CUBN: variants seen among roughly 807,000 people sequenced by gnomAD.
The protein encoded by CUBN is 460 kDa receptor.
CUBN carries 282 observed loss-of-function variants against 405.3 expected under a neutral mutation model. That is an observed-to-expected ratio of 0.70 (90% CI 0.63 to 0.77). CUBN has a LOEUF of 0.77. CUBN is among the 30% of genes least tolerant of loss of function. The pLI, the probability that CUBN is intolerant of heterozygous loss-of-function variation, is 0.00. For missense variants in CUBN, 4,514 were observed against 4,475.2 expected, an observed-to-expected ratio of 1.01 and a Z score of -0.25; for synonymous variants, 1,684 against 1,617.0, an observed-to-expected ratio of 1.04 and a Z score of -0.99.
chr10:17,115,262 A>G (rs1836865869), intron 7 of CUBN, among the ~76,000 whole-genome samples: 1 of 135,238 alleles, frequency 7.4e-6, no homozygotes, highest in Non-Finnish European at 1.7e-5. Context: ...AAAAAAAAAA[A>G]AATCCTATTT....
intron 12 of CUBN, among the ~76,000 whole-genome samples, chr10:17,103,601 G>A (rs962792323): frequency 1.3e-5 from 2 of 152,206 alleles, no homozygotes; most frequent in South Asian, 2.1e-4. Context: ...CAGCTGCAAG[G>A]TGAGCAGTTC....
chr10:16,870,779 T>C (rs1311940495), intron 58 of CUBN, among the ~76,000 whole-genome samples: 2 of 152,044 alleles, frequency 1.3e-5, no homozygotes, highest in Admixed American at 1.3e-4. Flanking sequence ...TGAGGTGGAG[T>C]TGTTTGTTAC....
Position 17,129,662 on chromosome 10 carries a change from CT to C in CUBN, c.103del (p.Arg35GlufsTer39). On this transcript the variant is annotated frameshift_variant, in exon 1 of 67. Transcript: ENST00000377833. LOFTEE classifies it high-confidence loss of function. ...AGELELQRQK[R>X]SINLQQPRMA... ...TACTTACTGTTGGAGATTGATGCTTCTTTTTTGTCTCTGCAGCTCAAGTTCT... is the reference window on the plus strand; with the variant it reads ...TACTTACTGTTGGAGATTGATGCTTCTTTTTGTCTCTGCAGCTCAAGTTCT... 3 of 1,614,122 alleles carry C rather than the reference CT, an allele frequency of 1.9e-6. No homozygotes were observed. Among genetic ancestry groups the C allele is most frequent in the Non-Finnish European group, 2.5e-6 (3 of 1,179,980 alleles).
At chr10:17,123,871 C>T (rs564136347) in intron 4 of CUBN, among the ~76,000 whole-genome samples, 182 bp from the exon 5 acceptor site, 1 of 152,150 alleles carries the variant, frequency 6.6e-6, no homozygotes, top group South Asian at 2.1e-4. Context: ...AAAGCATTTT[C>T]TATTATCAAT....
In CUBN at chr10:16,836,331, G is replaced by C. The variant is rs753571989; in HGVS notation, c.10084C>G (p.Pro3362Ala). ...GTACTCATAGAAGAATAAAACACTG[G>C]CACAGCCGAAGCATTTCTGCCACAG... ...QFCGRNASAV[P>A]VFYSSMSTAM... Residue 3362 changes from proline (P) to alanine (A), a missense_variant, in exon 63 of 67, where the codon CCA becomes GCA. Pro to Ala is a conservative substitution (Grantham distance 27). This residue lies in a region of CUBN where 1,186 missense variants were observed against 1,186.9 expected (regional missense o/e 1.00). Coordinates refer to ENST00000377833, the MANE Select transcript of CUBN (RefSeq NM_001081.4). 2 of 1,613,622 alleles carry C rather than the reference G, an allele frequency of 1.2e-6. No homozygotes were observed. Among genetic ancestry groups the C allele is most frequent in the Non-Finnish European group, 1.7e-6 (2 of 1,179,664 alleles).
In CUBN at chr10:16,831,335, T is replaced by A; in HGVS notation, c.10445A>T (p.Asn3482Ile). The A allele has an allele frequency of 6.2e-7, 1 of 1,614,050 alleles. No individual in the cohort carries two copies. The highest frequency in any genetic ancestry group is 8.5e-7 in the Non-Finnish European group (1 of 1,179,884). ...TLLPNPVFSQ[N>I]NELYLRFKSD... ...CTTAAATCGTAGGTATAGTTCATTA[T>A]TTTGAGAGAAGACAGGGTTTGGCAG... Residue 3482 changes from asparagine (N) to isoleucine (I), a missense_variant, in exon 65 of 67, where the codon AAT becomes ATT. Physicochemically the swap from Asn to Ile is moderately radical, Grantham distance 149. Around this residue, in one of 5 missense-constraint regions of CUBN, gnomAD observed 1,186 missense variants for 1,186.9 expected, o/e 1.00. Transcript: ENST00000377833.
chr10:16,861,601 A>T (rs1416573567), intron 59 of CUBN, among the ~76,000 whole-genome samples: 1 of 137,894 alleles, frequency 7.3e-6, no homozygotes, highest in Middle Eastern at 3.3e-3. Context: ...TTTTACAGAT[A>T]AAAAAAAAAA....
Position 17,115,506 on chromosome 10 carries a change from T to C in CUBN, c.685A>G (p.Ile229Val), listed in dbSNP as rs1241724136. 1.9e-6 allele frequency: 3 copies of C among 1,613,924 alleles called. No individual in the cohort carries two copies. In the Admixed American group the frequency reaches 5.0e-5, roughly 27 times the overall value. Reference sequence around the variant, plus strand: ...TGCTCTCGCATTAAATCCTCACAGATGCCATGGACACAGCGTGCCACAGAA... The same window carrying C: ...TGCTCTCGCATTAAATCCTCACAGACGCCATGGACACAGCGTGCCACAGAA... ...GGSVARCVHG[I>V]CEDLMREQAG... Residue 229 changes from isoleucine (I) to valine (V), a missense_variant, in exon 7 of 67, where the codon ATC becomes GTC. Ile to Val is a conservative substitution (Grantham distance 29). Around this residue, in one of 5 missense-constraint regions of CUBN, gnomAD observed 1,448 missense variants for 1,388.0 expected, o/e 1.04. Transcript: ENST00000377833.
At chr10:17,052,068 C>G (rs1835283299) in intron 22 of CUBN, among the ~76,000 whole-genome samples, 1 of 152,114 alleles carries the variant, frequency 6.6e-6, no homozygotes, top group African/African-American at 2.4e-5. Context: ...AGCCACATCA[C>G]ATACAGGGAC....
At chr10:16,918,932 G>T in intron 44 of CUBN, 132 bp from the exon 45 acceptor site, 2 of 856,672 alleles carry the variant, frequency 2.3e-6, no homozygotes, top group Non-Finnish European at 3.8e-6. Flanking sequence ...GATAGAATCA[G>T]CATAAGCCAT....
intron 31 of CUBN, among the ~76,000 whole-genome samples, chr10:16,976,378 T>G (rs1386930131): frequency 6.6e-6 from 1 of 152,182 alleles, no homozygotes; most frequent in Non-Finnish European, 1.5e-5. Flanking sequence ...TAAAAAAATT[T>G]TTTTTACTTC....
intron 14 of CUBN, among the ~76,000 whole-genome samples, chr10:17,093,812 T>C (rs1466293732): frequency 1.3e-5 from 2 of 152,096 alleles, no homozygotes; most frequent in Middle Eastern, 3.4e-3. Context: ...GTTGACAAAA[T>C]AGTTGAAGAA....
intron 6 of CUBN, among the ~76,000 whole-genome samples, chr10:17,117,850 T>C (rs967523988): frequency 2.0e-5 from 3 of 152,202 alleles, no homozygotes; most frequent in Non-Finnish European, 2.9e-5. Flanking sequence ...CTGTTAACTG[T>C]TTACCCAGAC....
At chr10:16,879,499 T>C (rs1445860928) in intron 56 of CUBN, among the ~76,000 whole-genome samples, 1 of 152,264 alleles carries the variant, frequency 6.6e-6, no homozygotes, top group Non-Finnish European at 1.5e-5. Context: ...AAGCACATGC[T>C]ATGGCACGGT....
chr10:17,121,777 A>G (rs1220239011), intron 6 of CUBN: 1 of 152,184 alleles, frequency 6.6e-6, no homozygotes. Flanking sequence ...ACTAGAATGG[A>G]TATTGTTATG....
Position 16,945,968 on chromosome 10 carries a change from C to T in CUBN, c.5342+1267G>A, listed in dbSNP as rs567379569. On this transcript the variant is annotated intron_variant, in intron 36 of 66. Coordinates refer to ENST00000377833, the MANE Select transcript of CUBN (RefSeq NM_001081.4). The stretch of plus-strand genomic sequence containing the variant: ...CTTGGTCCACAAATAGGATAGTTGT[C>T]CCATATTTTTAATCAGTTCCTGATG... Among the ~76,000 whole-genome samples the T allele has an allele frequency of 3.9e-5, 6 of 152,132 alleles. No homozygotes were observed. The South Asian group carries it at 1.2e-3, about 32-fold the overall frequency.
At chr10:17,051,714 A>T (rs569947294) in intron 22 of CUBN, among the ~76,000 whole-genome samples, 1 of 152,116 alleles carries the variant, frequency 6.6e-6, no homozygotes, top group Non-Finnish European at 1.5e-5. Flanking sequence ...AGGTCAGTAA[A>T]CTTTAATATG....
rs774512443 is a variant in CUBN at position 16,828,892 on chromosome 10, G to A, written c.10677C>T (p.Asp3559=). 27 of 1,614,030 alleles carry A rather than the reference G, an allele frequency of 1.7e-5. No homozygotes were observed. The highest frequency in any genetic ancestry group is 1.3e-4 in the South Asian group (12 of 91,092). The change falls in exon 66 of 67, where the codon GAC becomes GAT. Residue 3559 remains aspartate, a synonymous_variant. Coordinates refer to ENST00000377833, the MANE Select transcript of CUBN (RefSeq NM_001081.4). ...AGTTCTGGACACAGTCTCCTGGATC[G>A]TCAATGCTGATGAAGTAGAAGTTGA... The part of the protein sequence containing the change: ...VTINFYFISI[D]DPGDCVQNYL...
intron 56 of CUBN, among the ~76,000 whole-genome samples, chr10:16,882,334 C>T (rs764543734): frequency 3.3e-5 from 5 of 152,218 alleles, no homozygotes; most frequent in African/African-American, 4.8e-5. Flanking sequence ...AGCTGCAAAA[C>T]GATTCCCTAT....
Sources: allele counts gnomAD v4.1 joint callset (sites outside exome capture counted in the v4.1 genomes callset), GRCh38; gene constraint gnomAD v4.1.1; regional missense constraint gnomAD v4.1.1; transcripts MANE v1.5; gene names NCBI Gene and HGNC (gene_info 2026-07-23, HGNC 2026-07-21).